Variants in KLF12 observed in about 807,000 individuals in gnomAD.
KLF12 encodes the protein KLF transcription factor 12.
KLF12 carries 9 observed loss-of-function variants against 37.8 expected under a neutral mutation model. The observed-to-expected ratio is 0.24, with a 90% CI of 0.14 to 0.42. The LOEUF is 0.42. KLF12 is among the 10% of genes least tolerant of loss of function. The pLI is 1.00. For missense variants in KLF12, 411 were observed against 516.0 expected (o/e 0.80, Z 1.97); for synonymous variants, 208 against 202.1 (o/e 1.03, Z -0.25).
At chr13:73,916,735 G>A (rs970008486) in intron 3 of KLF12, among the ~76,000 whole-genome samples, 1 of 152,146 alleles carries the variant, frequency 6.6e-6, no homozygotes, top group Non-Finnish European at 1.5e-5. Context: ...TTGATGTATG[G>A]AGTGAGAAGG....
intron 4 of KLF12, among the ~76,000 whole-genome samples, chr13:73,815,379 T>A (rs918264656): frequency 3.9e-5 from 6 of 152,286 alleles, no homozygotes; most frequent in Admixed American, 2.6e-4. Context: ...TTAAAAGGGA[T>A]GTACTGGAAA....
chr13:73,904,563 T>C (rs1888190519), intron 3 of KLF12, among the ~76,000 whole-genome samples: 1 of 150,490 alleles, frequency 6.6e-6, no homozygotes, highest in Admixed American at 6.7e-5. Flanking sequence ...GGCCAAGGAA[T>C]GTATTATCAG....
chr13:73,774,699 G>C (rs1295559719), intron 5 of KLF12, among the ~76,000 whole-genome samples: 1 of 152,132 alleles, frequency 6.6e-6, no homozygotes, highest in Non-Finnish European at 1.5e-5. Context: ...ACATTCTCAA[G>C]TTATTTCAAA....
chr13:74,217,783 A>G, the KLF12 span, among the ~76,000 whole-genome samples: 22 of 152,364 alleles, frequency 1.4e-4, no homozygotes, highest in South Asian at 3.9e-3. Context: ...CAAAAGAAAC[A>G]TGGAGAATGC....
At chr13:73,801,151 C>T (rs569190761) in intron 5 of KLF12, 10 of 152,164 alleles carry the variant, frequency 6.6e-5, no homozygotes, top group Admixed American at 1.3e-4. Context: ...GCAGGCTATT[C>T]CTGAGAATGT....
At chr13:74,110,093 T>C (rs1876888624) in intron 1 of KLF12, among the ~76,000 whole-genome samples, 1 of 152,214 alleles carries the variant, frequency 6.6e-6, no homozygotes, top group Admixed American at 6.5e-5. Context: ...CTAGATTTTC[T>C]TAAGTGAAAT....
At chr13:74,024,306 A>T (rs1471636585) in intron 1 of KLF12, among the ~76,000 whole-genome samples, 1 of 152,218 alleles carries the variant, frequency 6.6e-6, no homozygotes, top group Non-Finnish European at 1.5e-5. Context: ...GCTCTAACAA[A>T]TATCCAACAA....
At chr13:73,974,310 C>CAAAAAAAAA (rs61516158) in intron 2 of KLF12, among the ~76,000 whole-genome samples, 23 of 146,244 alleles carry the variant, frequency 1.6e-4, no homozygotes, top group African/African-American at 4.1e-4. Context: ...AACTTCAAGA[C>CAAAAAAAAA]AAAAAAAAAA....
At chr13:73,715,672 GA>G in intron 6 of KLF12, 147 bp from the exon 7 acceptor site, 2 of 744,712 alleles carry the variant, frequency 2.7e-6, no homozygotes, top group Non-Finnish European at 2.1e-6. Context: ...ATCTTGGGCA[GA>G]TCTCACTTTT....
intron 1 of KLF12, among the ~76,000 whole-genome samples, chr13:74,076,815 G>A (rs575660544): frequency 4.6e-5 from 7 of 151,874 alleles, no homozygotes; most frequent in African/African-American, 1.2e-4. Flanking sequence ...CCCTCAAGTC[G>A]ACCCCAGTGT....
rs188519105 is a variant in KLF12 at position 73,856,205 on chromosome 13, T to C, written c.124-9832A>G. ...ACAGGGAGGCAGAAAGGAGGACAAC[T>C]GATGTTCCCGAAAAGGGGGCCATGC... On this transcript the variant is annotated intron_variant, in intron 3 of 7. Transcript: ENST00000377669. Among the ~76,000 whole-genome samples the C allele has an allele frequency of 7.4e-4, 112 of 152,288 alleles. 1 individual carries two copies. Among genetic ancestry groups the C allele is most frequent in the Admixed American group, 6.0e-3 (92 of 15,292 alleles).
chr13:73,858,652 G>C (rs1885739656), intron 3 of KLF12, among the ~76,000 whole-genome samples: 1 of 152,158 alleles, frequency 6.6e-6, no homozygotes, highest in Non-Finnish European at 1.5e-5. Context: ...TGATAAATCT[G>C]AGGATGCTAC....
chr13:73,724,752 A>G (rs2025423), intron 6 of KLF12, among the ~76,000 whole-genome samples: 23,117 of 152,110 alleles, frequency 0.15, 2,876 homozygotes, highest in African/African-American at 0.35. Flanking sequence ...TAAGGCTCAG[A>G]AAGATTAGAC....
chr13:74,062,991 G>A (rs1461020492), intron 1 of KLF12, among the ~76,000 whole-genome samples: 1 of 152,212 alleles, frequency 6.6e-6, no homozygotes, highest in Non-Finnish European at 1.5e-5. Context: ...AGAGATGTCA[G>A]AGCCCCAGCC....
intron 1 of KLF12, among the ~76,000 whole-genome samples, chr13:74,032,593 T>C (rs1313937805): frequency 1.3e-5 from 2 of 152,206 alleles, no homozygotes; most frequent in African/African-American, 2.4e-5. Context: ...ATCTTCTCTA[T>C]GACACATGAG....
chr13:73,858,629 C>G (rs1885738455), intron 3 of KLF12, among the ~76,000 whole-genome samples: 1 of 152,166 alleles, frequency 6.6e-6, no homozygotes, highest in Non-Finnish European at 1.5e-5. Context: ...ACTATATAAT[C>G]AACACAACAT....
At chr13:73,790,258 C>G (rs1881609450) in intron 5 of KLF12, among the ~76,000 whole-genome samples, 1 of 152,138 alleles carries the variant, frequency 6.6e-6, no homozygotes, top group Non-Finnish European at 1.5e-5. Context: ...TAATCCTTAA[C>G]TTACAAATGA....
chr13:73,936,862 C>G (rs1889956794), intron 3 of KLF12, among the ~76,000 whole-genome samples: 1 of 152,116 alleles, frequency 6.6e-6, no homozygotes, highest in Non-Finnish European at 1.5e-5. Flanking sequence ...AGAGTTAATC[C>G]TTTGTGGTCA....
At chr13:73,791,697 C>T (rs977937248) in intron 5 of KLF12, among the ~76,000 whole-genome samples, 3 of 152,136 alleles carry the variant, frequency 2.0e-5, no homozygotes, top group Admixed American at 6.5e-5. Context: ...TTTTCAATTA[C>T]ATTACAGCAA....
Sources: gnomAD v4.1 joint callset for allele counts (sites outside exome capture counted in the v4.1 genomes callset) on GRCh38, gnomAD v4.1.1 for gene constraint, MANE v1.5 for transcripts, NCBI Gene and HGNC (gene_info 2026-07-23, HGNC 2026-07-21) for gene names.